The following KMT2C variants were observed in gnomAD, a reference collection of about 807,000 sequenced individuals.
KMT2C encodes the protein histone-lysine N-methyltransferase 2C.
In KMT2C, 88 loss-of-function variants were observed where a neutral mutation model predicts 507.9. The observed-to-expected ratio is 0.17, with a 90% CI of 0.15 to 0.21. KMT2C has a LOEUF of 0.21. Ranked by LOEUF, KMT2C falls within the 10% of genes least tolerant of loss-of-function variation. The pLI, the probability that KMT2C is intolerant of heterozygous loss-of-function variation, is 1.00. For missense variants in KMT2C, 4,954 were observed against 5,957.8 expected (o/e 0.83, Z 5.55); for synonymous variants, 2,049 against 2,080.8 (o/e 0.98, Z 0.42).
At chr7:152,433,165 C>T (rs1187130162) in intron 1 of KMT2C, among the ~76,000 whole-genome samples, 1 of 151,140 alleles carries the variant, frequency 6.6e-6, no homozygotes, top group Non-Finnish European at 1.5e-5. Flanking sequence ...AAAAAAAAGG[C>T]ATCTTCTCTA....
At position 152,180,126 on chromosome 7, in the gene KMT2C, G is replaced by A. The variant is rs781570710; in HGVS notation, c.7150C>T (p.Arg2384Trp). ...AGAATGATTTCACGTAACTTCTGCCGCTAAATGGGAAGAAACAAAAATCAC... is the reference window on the plus strand; with the variant it reads ...AGAATGATTTCACGTAACTTCTGCCACTAAATGGGAAGAAACAAAAATCAC... The part of the protein sequence containing the change: ...AQADTEKLRQ[R>W]QKLREIILQQ... Residue 2384 changes from arginine (R) to tryptophan (W), a missense_variant and splice_region_variant, in exon 37 of 59, where the codon CGG (arginine) becomes TGG (tryptophan). Around this residue, in one of 29 missense-constraint regions of KMT2C, gnomAD observed 1,689 missense variants for 1,654.3 expected, o/e 1.02. Coordinates refer to ENST00000262189, the MANE Select transcript of KMT2C (RefSeq NM_170606.3). 8.7e-6 allele frequency: 14 copies of A among 1,613,762 alleles called. No homozygotes were observed. Among genetic ancestry groups the A allele is most frequent in the East Asian group, 4.5e-5 (2 of 44,876 alleles).
Position 152,176,940 on chromosome 7 carries a change from T to C in KMT2C, c.8513A>G (p.Glu2838Gly), listed in dbSNP as rs773876170. The C allele has an allele frequency of 6.2e-7, 1 of 1,614,196 alleles. No homozygotes were observed. The highest frequency in any genetic ancestry group is 8.5e-7 in the Non-Finnish European group (1 of 1,180,034). Residue 2838 changes from glutamate to glycine, a missense_variant, in exon 38 of 59, where the codon GAA becomes GGA. Transcript: ENST00000262189. ...TTTATTCTCATCATTTTTTTCAGTT[T>C]CACATTTGGATTCCACCTTAGAATT... ...SPNSKVESKC[E>G]TEKNDENKDN...
chr7:152,162,986 A>G lies in KMT2C; in HGVS notation c.10591T>C (p.Ser3531Pro). 1 of 1,614,186 alleles carries G rather than the reference A, an allele frequency of 6.2e-7. No individual in the cohort carries two copies. The highest frequency in any genetic ancestry group is 8.5e-7 in the Non-Finnish European group (1 of 1,180,036). Reference sequence around the variant, plus strand: ...AGATTTCCATGTCCCTGCTTCACAGAAGAAAAATTTGGGCTTCCAACAGGG... The same window carrying G: ...AGATTTCCATGTCCCTGCTTCACAGGAGAAAAATTTGGGCTTCCAACAGGG... ...SIPVGSPNFS[S>P]VKQGHGNLSG... Residue 3531 changes from serine to proline, a missense_variant, in exon 43 of 59, where the codon TCT (serine) becomes CCT (proline). Ser to Pro is a moderately conservative substitution (Grantham distance 74, BLOSUM62 -1). Transcript: ENST00000262189.
intron 23 of KMT2C, among the ~76,000 whole-genome samples, chr7:152,209,257 C>A (rs1199448765): frequency 5.3e-5 from 8 of 151,298 alleles, no homozygotes; most frequent in African/African-American, 1.9e-4. Context: ...GAGATCGAGA[C>A]CATCCTGGCT....
At chr7:152,362,180 T>TA (rs1438708653) in intron 1 of KMT2C, among the ~76,000 whole-genome samples, 1 of 152,182 alleles carries the variant, frequency 6.6e-6, no homozygotes, top group African/African-American at 2.4e-5. Flanking sequence ...TGTTTTAAAA[T>TA]AAAATTTTGT....
chr7:152,202,825 C>T (rs962977361), intron 26 of KMT2C, 109 bp downstream of exon 26: 17 of 957,686 alleles, frequency 1.8e-5, no homozygotes, highest in Middle Eastern at 3.4e-4. Flanking sequence ...TAAATGACAA[C>T]AAAACAAGTA....
At chr7:152,416,061 T>C (rs2097732451) in intron 1 of KMT2C, among the ~76,000 whole-genome samples, 1 of 151,894 alleles carries the variant, frequency 6.6e-6, no homozygotes, top group African/African-American at 2.4e-5. Context: ...GATGCAACCT[T>C]TTTAGGGAGT....
At chr7:152,375,042 T>C (rs906208166) in intron 1 of KMT2C, among the ~76,000 whole-genome samples, 4 of 152,248 alleles carry the variant, frequency 2.6e-5, no homozygotes, top group Admixed American at 2.6e-4. Context: ...TCACAGATAA[T>C]AAGTTGTTTG....
rs943209387 is a variant in KMT2C at position 152,288,488 on chromosome 7, G to A, written c.850-14621C>T. ...GCGGAGTTTGCAGTGAGCTGAGATCGTACCACTTCACTCCAGCCTGGGCAA... is the reference window on the plus strand; with the variant it reads ...GCGGAGTTTGCAGTGAGCTGAGATCATACCACTTCACTCCAGCCTGGGCAA... On this transcript the variant is annotated intron_variant, in intron 6 of 58. Coordinates refer to ENST00000262189, the MANE Select transcript of KMT2C (RefSeq NM_170606.3). 1.4e-4 allele frequency among the ~76,000 whole-genome samples: 22 copies of A among 151,946 alleles called. No homozygotes were observed. The South Asian group carries it at 2.1e-3, about 14-fold the overall frequency.
rs2092024467 is a variant in KMT2C at position 152,156,054 on chromosome 7, G to A, written c.11816C>T (p.Thr3939Ile). ...AAATGGTTTAGGTCCTAGAGTTTTGGTAACTGGAAAAGCAAAAACACAAAA... is the reference window on the plus strand; with the variant it reads ...AAATGGTTTAGGTCCTAGAGTTTTGATAACTGGAAAAGCAAAAACACAAAA... ...KAGVLVSHEV[T>I]KTLGPKPFQL... is the part of the protein sequence containing the mutation. The change falls in exon 46 of 59, where the codon ACC becomes ATC. Residue 3939 changes from threonine (T) to isoleucine (I), a missense_variant. Thr to Ile is a moderately conservative substitution (Grantham distance 89). This residue lies in a region of KMT2C where 104 missense variants were observed against 134.3 expected (regional missense o/e 0.77). Transcript: ENST00000262189. The A allele has an allele frequency of 6.3e-7, 1 of 1,596,806 alleles. No individual in the cohort carries two copies. Among genetic ancestry groups the A allele is most frequent in the South Asian group, 1.1e-5 (1 of 88,506 alleles).
intron 14 of KMT2C, among the ~76,000 whole-genome samples, chr7:152,245,622 T>G (rs1588544220): frequency 6.6e-6 from 1 of 152,318 alleles, no homozygotes; most frequent in South Asian, 2.1e-4. Flanking sequence ...CATCTGATAA[T>G]CCAATCACTA....
In KMT2C at chr7:152,148,996, G is replaced by T. The variant is rs780138856; in HGVS notation, c.12931C>A (p.Pro4311Thr). The part of the protein sequence containing the change: ...PPASPPIAFP[P>T]AFEAAQVEAK... ...TCGACTTGGGCTGCTTCAAAAGCAGGAGGGAAGGCGATGGGTGGTGAGGCA... is the reference window on the plus strand; with the variant it reads ...TCGACTTGGGCTGCTTCAAAAGCAGTAGGGAAGGCGATGGGTGGTGAGGCA... The change falls in exon 52 of 59, where the codon CCT (proline) becomes ACT (threonine). Residue 4311 changes from proline (P) to threonine (T), a missense_variant. Physicochemically the swap from Pro to Thr is conservative, Grantham distance 38. Transcript: ENST00000262189. The surrounding 1 kb of genome is among the most constrained non-coding windows in gnomAD (Gnocchi z 7.1). 1 of 1,568,312 alleles carries T rather than the reference G, an allele frequency of 6.4e-7. No homozygotes were observed. Among genetic ancestry groups the T allele is most frequent in the Non-Finnish European group, 8.6e-7 (1 of 1,159,180 alleles).
At chr7:152,358,199 A>G (rs535327408) in intron 2 of KMT2C, among the ~76,000 whole-genome samples, 3 of 152,356 alleles carry the variant, frequency 2.0e-5, no homozygotes, top group Non-Finnish European at 2.9e-5. Context: ...TATTAATTCC[A>G]TAACGAAACA....
chr7:152,315,955 G>A (rs1385223960), intron 3 of KMT2C, among the ~76,000 whole-genome samples: 1 of 152,092 alleles, frequency 6.6e-6, no homozygotes, highest in Non-Finnish European at 1.5e-5. Flanking sequence ...AAAGAAGGTA[G>A]AGTTTAGTAG....
In KMT2C at chr7:152,182,276, T is replaced by A. The variant is rs201072522; in HGVS notation, c.5584A>T (p.Ile1862Phe). 6.2e-7 allele frequency: 1 copy of A among 1,614,066 alleles called. No individual in the cohort carries two copies. Among genetic ancestry groups the A allele is most frequent in the African/African-American group, 1.3e-5 (1 of 75,026 alleles). ...APPPPPAPSR[I>F]PIQDSLSQAQ... ...TGAGAAAGACTATCCTGGATGGGAA[T>A]CCGGGATGGGGCTGGAGGAGGAGGT... The change falls in exon 36 of 59, where the codon ATT becomes TTT. Residue 1862 changes from isoleucine (I) to phenylalanine (F), a missense_variant. By Grantham distance (21) the Ile-to-Phe change is conservative. Coordinates refer to ENST00000262189, the MANE Select transcript of KMT2C (RefSeq NM_170606.3).
intron 6 of KMT2C, among the ~76,000 whole-genome samples, chr7:152,301,252 C>A (rs2096565488): frequency 6.6e-6 from 1 of 151,056 alleles, no homozygotes; most frequent in Non-Finnish European, 1.5e-5. Context: ...CACCTGTAGT[C>A]CCAACACTTT....
chr7:152,311,425 G>A (rs1393471336), intron 5 of KMT2C, among the ~76,000 whole-genome samples: 1 of 152,048 alleles, frequency 6.6e-6, no homozygotes, highest in Non-Finnish European at 1.5e-5. Context: ...AATCTACCCG[G>A]CTAAGACCTA....
intron 27 of KMT2C, among the ~76,000 whole-genome samples, chr7:152,197,771 C>G: frequency 6.6e-6 from 1 of 151,932 alleles, no homozygotes; most frequent in South Asian, 2.1e-4. Flanking sequence ...AAAAAAAAGC[C>G]TTTAGTCATT....
intron 48 of KMT2C, among the ~76,000 whole-genome samples, chr7:152,153,683 G>A (rs562329267): frequency 6.0e-5 from 9 of 149,882 alleles, no homozygotes; most frequent in Admixed American, 2.7e-4. Context: ...AGCTATGACT[G>A]TGCCACTGCA....
Sources: gnomAD v4.1 joint callset for allele counts (sites outside exome capture counted in the v4.1 genomes callset) on GRCh38, gnomAD v4.1.1 for gene constraint, gnomAD v4.1.1 regional missense constraint, Gnocchi (gnomAD v3.1) non-coding constraint, MANE v1.5 for transcripts, NCBI Gene and HGNC (gene_info 2026-07-23, HGNC 2026-07-21) for gene names.